Variants in FLNB observed in about 807,000 individuals in gnomAD.
FLNB encodes the protein filamin B, also known as filamin-B.
FLNB carries 111 observed loss-of-function variants against 250.6 expected under a neutral mutation model. The ratio of observed to expected loss-of-function variants is 0.44; its 90% CI spans 0.38 to 0.52. The LOEUF is 0.52. Ranked by LOEUF, FLNB falls within the 20% of genes least tolerant of loss-of-function variation. FLNB has a pLI of 0.00. For synonymous variants in FLNB, 1,302 were observed against 1,372.1 expected (o/e 0.95, Z 1.13); for missense variants, 2,869 against 3,447.8 (o/e 0.83, Z 4.20).
At chr3:58,114,770 G>A (rs2107141033) in intron 18 of FLNB, among the ~76,000 whole-genome samples, 1 of 150,946 alleles carries the variant, frequency 6.6e-6, no homozygotes, top group Non-Finnish European at 1.5e-5. Flanking sequence ...GTAAGATGGT[G>A]TCTTATTGTG....
At chr3:58,020,868 T>A (rs1245250235) in intron 1 of FLNB, among the ~76,000 whole-genome samples, 1 of 151,748 alleles carries the variant, frequency 6.6e-6, no homozygotes, top group Non-Finnish European at 1.5e-5. Context: ...GACTTTAAGA[T>A]GAAAGATGGC....
chr3:58,155,609 T>A (rs1265724398), intron 40 of FLNB, among the ~76,000 whole-genome samples: 1 of 152,256 alleles, frequency 6.6e-6, no homozygotes, highest in Non-Finnish European at 1.5e-5. Flanking sequence ...TATGTACTTA[T>A]AATGTGCTGT....
chr3:58,117,522 G>C (rs952139670), intron 18 of FLNB, among the ~76,000 whole-genome samples: 2 of 152,286 alleles, frequency 1.3e-5, no homozygotes, highest in African/African-American at 4.8e-5. Context: ...GTGAGCCCCT[G>C]AATTGTTAGG....
intron 1 of FLNB, among the ~76,000 whole-genome samples, chr3:58,049,744 C>T (rs1418634549): frequency 6.6e-6 from 1 of 152,120 alleles, no homozygotes; most frequent in East Asian, 1.9e-4. Context: ...GGCTTGCTCT[C>T]GGGGAACACT....
At chr3:58,024,492 G>A (rs1442997745) in intron 1 of FLNB, among the ~76,000 whole-genome samples, 1 of 151,960 alleles carries the variant, frequency 6.6e-6, no homozygotes, top group African/African-American at 2.4e-5. Context: ...GGACCTGGGG[G>A]TGGTCTCTCC....
chr3:58,115,049 T>G (rs1023044884), intron 18 of FLNB, among the ~76,000 whole-genome samples: 1 of 152,220 alleles, frequency 6.6e-6, no homozygotes, highest in African/African-American at 2.4e-5. Context: ...ACGCGGCTTC[T>G]TATCTCCAGA....
chr3:58,040,704 A>G (rs1006021819), intron 1 of FLNB, among the ~76,000 whole-genome samples: 10 of 152,160 alleles, frequency 6.6e-5, no homozygotes, highest in African/African-American at 1.9e-4. Context: ...CACGTTGGCC[A>G]GGCTGGTCTC....
At chr3:58,039,777 T>C (rs906962351) in intron 1 of FLNB, among the ~76,000 whole-genome samples, 3 of 152,138 alleles carry the variant, frequency 2.0e-5, no homozygotes, top group African/African-American at 4.8e-5. Context: ...GATTTATTCA[T>C]GGGTGGTGGG....
rs115935959 is a variant in FLNB at position 58,172,123 on chromosome 3, G to A, written c.*1361G>A. ...GTAAAAGCCCACCCTACAGAAAGTGGAACAGCCCGGAGCCTGATGTGAAAG... is the reference window on the plus strand; with the variant it reads ...GTAAAAGCCCACCCTACAGAAAGTGAAACAGCCCGGAGCCTGATGTGAAAG... On this transcript the variant is annotated 3_prime_UTR_variant, in exon 46 of 46. Coordinates refer to ENST00000295956, the MANE Select transcript of FLNB (RefSeq NM_001457.4). 8.2e-3 allele frequency: 1,245 copies of A among 152,748 alleles called. 5 individuals are homozygous for A. The highest frequency in any genetic ancestry group is 0.012 in the Non-Finnish European group (821 of 68,052). The allele number at this position is 152,748 out of a possible 1,614,324, so 9.5% of individuals were successfully genotyped here. A position where few individuals can be genotyped will look rare whatever the true frequency, so the allele number is the denominator to read the frequency against.
At chr3:58,155,874 T>G in intron 40 of FLNB, 86 bp from the exon 41 acceptor site, 1 of 912,346 alleles carries the variant, frequency 1.1e-6, no homozygotes, top group Non-Finnish European at 1.8e-6. Flanking sequence ...TGGGTCTCTC[T>G]GAAGGCATTT....
intron 1 of FLNB, among the ~76,000 whole-genome samples, chr3:58,015,319 C>G (rs1455472758): frequency 6.6e-6 from 1 of 152,156 alleles, no homozygotes; most frequent in Non-Finnish European, 1.5e-5. Context: ...CTTTTGGACC[C>G]AAGTCCAGGA....
chr3:58,137,402 A>G (rs1052372819), intron 28 of FLNB, among the ~76,000 whole-genome samples: 1 of 152,222 alleles, frequency 6.6e-6, no homozygotes, highest in Non-Finnish European at 1.5e-5. Context: ...CTTGCCTTGC[A>G]GGCCCTATTT....
At chr3:58,024,754 G>T (rs1010234923) in intron 1 of FLNB, among the ~76,000 whole-genome samples, 16 of 115,740 alleles carry the variant, frequency 1.4e-4, no homozygotes, top group Non-Finnish European at 1.9e-4. Flanking sequence ...TTGCTTTGTT[G>T]CCAGGCTGGA....
chr3:58,106,675 C>G lies in FLNB; in HGVS notation c.1748-5C>G, dbSNP rs369919081. 108 of 1,613,970 alleles carry G rather than the reference C, an allele frequency of 6.7e-5. No individual in the cohort carries two copies. The highest frequency in any genetic ancestry group is 5.8e-4 in the East Asian group (26 of 44,870). On this transcript the variant is annotated splice_region_variant and splice_polypyrimidine_tract_variant and intron_variant, in intron 11 of 45. Coordinates refer to ENST00000295956, the MANE Select transcript of FLNB (RefSeq NM_001457.4). ...CAGGGAGACCCTTCCACCTCCACCC[C>G]CTAGGGTTTGCCATTGAAGGCCCCT...
At chr3:58,121,527 A>G (rs2107167994) in intron 20 of FLNB, 24 bp downstream of exon 20, 4 of 1,613,114 alleles carry the variant, frequency 2.5e-6, no homozygotes, top group East Asian at 2.2e-5. Flanking sequence ...TTTGTCCCAG[A>G]ACTTGTCTCA....
At chr3:58,062,157 A>G (rs2097179663) in intron 1 of FLNB, among the ~76,000 whole-genome samples, 1 of 152,220 alleles carries the variant, frequency 6.6e-6, no homozygotes, top group Non-Finnish European at 1.5e-5. Flanking sequence ...CCCATCTTCC[A>G]CCATCAGCTT....
intron 4 of FLNB, among the ~76,000 whole-genome samples, chr3:58,092,338 T>A (rs1303669904): frequency 6.6e-6 from 1 of 152,196 alleles, no homozygotes; most frequent in African/African-American, 2.4e-5. Context: ...GAACACTGTT[T>A]GGTAGTTTCT....
At chr3:58,144,486 A>T (rs1035069228) in intron 32 of FLNB, among the ~76,000 whole-genome samples, 2 of 152,354 alleles carry the variant, frequency 1.3e-5, no homozygotes, top group East Asian at 3.9e-4. Flanking sequence ...ACGAACCATT[A>T]CATATTTGAC....
In FLNB at chr3:58,144,973, G is replaced by A. The variant is rs369331912; in HGVS notation, c.5426-948G>A. Among the ~76,000 whole-genome samples, 46 of 152,320 alleles carry A rather than the reference G, an allele frequency of 3.0e-4. No individual in the cohort carries two copies. The South Asian group carries it at 4.1e-3, about 14-fold the overall frequency. The stretch of plus-strand genomic sequence containing the variant: ...GGCCTTTGTCATATAGTTTCTAAGA[G>A]CAATGTAAACATTGGAGAGATTAGC... On this transcript the variant is annotated intron_variant, in intron 32 of 45. Transcript: ENST00000295956.
Sources: gnomAD v4.1 joint callset for allele counts (sites outside exome capture counted in the v4.1 genomes callset) on GRCh38, gnomAD v4.1.1 for gene constraint, MANE v1.5 for transcripts, NCBI Gene and HGNC (gene_info 2026-07-23, HGNC 2026-07-21) for gene names.